The following CDKAL1 variants were observed in gnomAD, a reference collection of about 807,000 sequenced individuals.
The protein encoded by CDKAL1 is CDKAL1 threonylcarbamoyladenosine tRNA methylthiotransferase.
A neutral mutation model predicts 68.2 loss-of-function variants in CDKAL1; 32 were observed. That is an observed-to-expected ratio of 0.47 (90% confidence interval 0.35 to 0.63). The LOEUF (loss-of-function observed/expected upper bound fraction) is 0.63. Ranked by LOEUF, CDKAL1 falls within the 30% of genes least tolerant of loss-of-function variation. The pLI is 0.00. For missense variants in CDKAL1, 606 were observed against 696.7 expected (o/e 0.87, Z 1.47); for synonymous variants, 234 against 244.3 (o/e 0.96, Z 0.39).
chr6:20,642,425 G>C (rs1309832674), intron 4 of CDKAL1, among the ~76,000 whole-genome samples: 2 of 144,396 alleles, frequency 1.4e-5, no homozygotes, highest in Non-Finnish European at 3.0e-5. Context: ...ATAACTATTA[G>C]CCTGATAGAA....
intron 9 of CDKAL1, among the ~76,000 whole-genome samples, chr6:20,851,944 C>A (rs1222790162): frequency 6.6e-6 from 1 of 151,738 alleles, no homozygotes; most frequent in African/African-American, 2.4e-5. Flanking sequence ...TGATTTCGAC[C>A]CAAGATTAAA....
intron 10 of CDKAL1, among the ~76,000 whole-genome samples, chr6:20,961,182 G>A (rs1765039012): frequency 6.6e-6 from 1 of 152,162 alleles, no homozygotes; most frequent in Admixed American, 6.5e-5. Context: ...AAGACATGGA[G>A]TCAACTTAAA....
intron 5 of CDKAL1, among the ~76,000 whole-genome samples, chr6:20,678,481 A>G (rs891894965): frequency 6.6e-6 from 1 of 152,184 alleles, no homozygotes; most frequent in African/African-American, 2.4e-5. Context: ...TTCTTTTAAT[A>G]GGTGAGTTAA....
chr6:21,099,276 A>G (rs139914073), intron 12 of CDKAL1, among the ~76,000 whole-genome samples: 129 of 152,306 alleles, frequency 8.5e-4, no homozygotes, highest in African/African-American at 3.0e-3. Flanking sequence ...TACATTTTCT[A>G]TTGCAGCCAT....
intron 10 of CDKAL1, among the ~76,000 whole-genome samples, chr6:20,980,725 A>T (rs992479610): frequency 2.6e-5 from 4 of 152,156 alleles, no homozygotes; most frequent in African/African-American, 9.7e-5. Context: ...GTGTTTGGTG[A>T]CCTGATGCCA....
At chr6:21,144,627 A>G (rs954963165) in intron 13 of CDKAL1, among the ~76,000 whole-genome samples, 30 of 136,220 alleles carry the variant, frequency 2.2e-4, no homozygotes, top group Non-Finnish European at 3.7e-4. Flanking sequence ...TCTACAAAAA[A>G]TACCAAAAAA....
At chr6:20,974,776 C>T (rs1019083441) in intron 10 of CDKAL1, among the ~76,000 whole-genome samples, 2 of 146,758 alleles carry the variant, frequency 1.4e-5, no homozygotes, top group African/African-American at 2.5e-5. Flanking sequence ...CTCAGGAGTT[C>T]GAAACCAGAC....
intron 11 of CDKAL1, among the ~76,000 whole-genome samples, chr6:21,008,292 G>A (rs1327446301): frequency 6.6e-6 from 1 of 152,078 alleles, no homozygotes; most frequent in African/African-American, 2.4e-5. Context: ...TAGGTAATGA[G>A]ATCATCCAGA....
At chr6:20,854,497 G>A (rs1759215089) in intron 9 of CDKAL1, among the ~76,000 whole-genome samples, 1 of 152,202 alleles carries the variant, frequency 6.6e-6, no homozygotes, top group African/African-American at 2.4e-5. Flanking sequence ...GAAAAGGTAT[G>A]ATAACAGTAC....
At chr6:21,026,407 C>T (rs186061831) in intron 11 of CDKAL1, among the ~76,000 whole-genome samples, 77 of 152,158 alleles carry the variant, frequency 5.1e-4, no homozygotes, top group Non-Finnish European at 9.0e-4. Context: ...ATTGGGAAAA[C>T]GGATTTTATC....
At chr6:21,156,563 A>G (rs1284749350) in intron 13 of CDKAL1, among the ~76,000 whole-genome samples, 1 of 151,708 alleles carries the variant, frequency 6.6e-6, no homozygotes, top group Non-Finnish European at 1.5e-5. Context: ...ATGAACATTT[A>G]TTCCTTTTGT....
intron 8 of CDKAL1, chr6:20,799,780 G>A (rs1009445052): frequency 2.0e-5 from 3 of 152,138 alleles, no homozygotes; most frequent in Admixed American, 1.3e-4. Context: ...CCTTACCTTC[G>A]TGCACATGTG....
intron 4 of CDKAL1, among the ~76,000 whole-genome samples, chr6:20,561,351 A>G (rs1395147755): frequency 6.7e-6 from 1 of 149,234 alleles, no homozygotes; most frequent in Non-Finnish European, 1.5e-5. Flanking sequence ...CTGAGGCATG[A>G]GAATCGCTTG....
intron 8 of CDKAL1, among the ~76,000 whole-genome samples, chr6:20,820,915 G>T: frequency 6.6e-6 from 1 of 151,976 alleles, no homozygotes; most frequent in African/African-American, 2.4e-5. Flanking sequence ...GTGTAATGAG[G>T]AACAATAAAG....
At chr6:20,908,932 AT>A (rs1349177611) in intron 9 of CDKAL1, among the ~76,000 whole-genome samples, 1 of 152,166 alleles carries the variant, frequency 6.6e-6, no homozygotes, top group Non-Finnish European at 1.5e-5. Flanking sequence ...TAGAAGTTGC[AT>A]CCTTGGGTGT....
At chr6:20,578,883 A>G (rs1007801512) in intron 4 of CDKAL1, among the ~76,000 whole-genome samples, 2 of 152,224 alleles carry the variant, frequency 1.3e-5, no homozygotes, top group African/African-American at 4.8e-5. Context: ...AGCTTAAATC[A>G]TGAAACAGGA....
chr6:20,693,959 A>G, intron 5 of CDKAL1, among the ~76,000 whole-genome samples: 1 of 150,814 alleles, frequency 6.6e-6, no homozygotes, highest in South Asian at 2.1e-4. Flanking sequence ...TGCAACCTCG[A>G]TCTCCCAGGC....
intron 10 of CDKAL1, among the ~76,000 whole-genome samples, chr6:20,983,845 T>C (rs1766290056): frequency 6.6e-6 from 1 of 152,182 alleles, no homozygotes; most frequent in Non-Finnish European, 1.5e-5. Flanking sequence ...CCAGAAATGA[T>C]TTATTGTTTG....
chr6:20,848,464 ACAG>A (rs1006276311), intron 9 of CDKAL1, among the ~76,000 whole-genome samples: 3 of 152,178 alleles, frequency 2.0e-5, no homozygotes, highest in African/African-American at 7.2e-5. Flanking sequence ...TAACCAATTT[ACAG>A]CGTATTGCTT....
Sources: allele counts gnomAD v4.1 joint callset (sites outside exome capture counted in the v4.1 genomes callset), GRCh38; gene constraint gnomAD v4.1.1; transcripts MANE v1.5; gene names NCBI Gene and HGNC (gene_info 2026-07-23, HGNC 2026-07-21).